The following FILIP1L variants were observed in gnomAD, a reference collection of about 807,000 sequenced individuals.
FILIP1L encodes the protein filamin A-interacting protein 1-like.
A neutral mutation model predicts 96.6 loss-of-function variants in FILIP1L; 55 were observed. The ratio of observed to expected loss-of-function variants is 0.57; its 90% CI spans 0.46 to 0.71. The LOEUF is 0.71. FILIP1L is among the 30% of genes least tolerant of loss of function. The pLI is 0.00. For missense variants in FILIP1L, 1,304 were observed against 1,321.2 expected (o/e 0.99, Z 0.20); for synonymous variants, 467 against 473.9 (o/e 0.99, Z 0.19).
chr3:99,988,522 A>C, intron 1 of FILIP1L, among the ~76,000 whole-genome samples: 1 of 141,398 alleles, frequency 7.1e-6, no homozygotes, highest in Non-Finnish European at 1.5e-5. Context: ...AAAAAAAAAA[A>C]AAAAAAAAGA....
At chr3:100,071,847 T>A (rs1216414777) in intron 1 of FILIP1L, among the ~76,000 whole-genome samples, 1 of 152,150 alleles carries the variant, frequency 6.6e-6, no homozygotes, top group Non-Finnish European at 1.5e-5. Context: ...GGCACCCAAC[T>A]TCATTATTTC....
intron 4 of FILIP1L, among the ~76,000 whole-genome samples, chr3:99,876,740 G>A (rs190300592): frequency 1.4e-4 from 21 of 152,112 alleles, no homozygotes; most frequent in African/African-American, 4.8e-4. Flanking sequence ...AATTCTTCAA[G>A]TGATGATGGA....
At chr3:100,013,564 TA>T (rs1406526407) in intron 1 of FILIP1L, among the ~76,000 whole-genome samples, 1 of 152,128 alleles carries the variant, frequency 6.6e-6, no homozygotes, top group African/African-American at 2.4e-5. Flanking sequence ...TTTTATTAGA[TA>T]AAAAGTATGT....
intron 1 of FILIP1L, among the ~76,000 whole-genome samples, chr3:99,941,994 T>G (rs1707863193): frequency 6.6e-6 from 1 of 152,044 alleles, no homozygotes; most frequent in South Asian, 2.1e-4. Flanking sequence ...TATTAAGAAT[T>G]TACTGTTTTC....
At chr3:99,980,355 T>C (rs1709086359) in intron 1 of FILIP1L, among the ~76,000 whole-genome samples, 1 of 152,190 alleles carries the variant, frequency 6.6e-6, no homozygotes, top group Non-Finnish European at 1.5e-5. Flanking sequence ...TTGGATGTTT[T>C]GAAATTCAGA....
intron 1 of FILIP1L, among the ~76,000 whole-genome samples, chr3:99,989,323 A>G (rs575435160): frequency 6.6e-6 from 1 of 152,296 alleles, no homozygotes; most frequent in East Asian, 1.9e-4. Flanking sequence ...GATTCTAGGT[A>G]CTAAATGTAG....
intron 1 of FILIP1L, among the ~76,000 whole-genome samples, chr3:100,002,768 G>C (rs1367546459): frequency 6.6e-6 from 1 of 152,138 alleles, no homozygotes; most frequent in East Asian, 1.9e-4. Context: ...AGTCCCTTAG[G>C]CCTTAGACCA....
At chr3:100,108,083 G>A (rs893661368) in intron 1 of FILIP1L, among the ~76,000 whole-genome samples, 2 of 152,024 alleles carry the variant, frequency 1.3e-5, no homozygotes, top group Non-Finnish European at 1.5e-5. Context: ...TAGAGCACTG[G>A]TTCTTAACTT....
Position 99,829,711 on chromosome 3 carries a change from T to C in FILIP1L, c.*703A>G, listed in dbSNP as rs1010707124. On this transcript the variant is annotated 3_prime_UTR_variant, in exon 6 of 6. Transcript: ENST00000477258. ...CAATGTCCTGTGAGATGATAAATTC[T>C]GTATTTTTTCAAGCACCTGGAATAT... Among the ~76,000 whole-genome samples, 8 of 152,200 alleles carry C rather than the reference T, an allele frequency of 5.3e-5. No individual in the cohort carries two copies. Among genetic ancestry groups the C allele is most frequent in the African/African-American group, 1.4e-4 (6 of 41,446 alleles).
At chr3:99,976,971 GCAGGAATT>G (rs1708991277) in intron 1 of FILIP1L, among the ~76,000 whole-genome samples, 1 of 152,190 alleles carries the variant, frequency 6.6e-6, no homozygotes, top group African/African-American at 2.4e-5. Flanking sequence ...ACTGCACCTT[GCAGGAATT>G]CTATCCTCTT....
At chr3:100,017,778 A>G (rs1369904251) in intron 1 of FILIP1L, among the ~76,000 whole-genome samples, 2 of 152,180 alleles carry the variant, frequency 1.3e-5, no homozygotes, top group Non-Finnish European at 2.9e-5. Flanking sequence ...TACAAAAAAA[A>G]GAAACACTGG....
chr3:99,916,261 C>T (rs1430838683), intron 4 of FILIP1L, among the ~76,000 whole-genome samples: 2 of 152,068 alleles, frequency 1.3e-5, no homozygotes, highest in Admixed American at 1.3e-4. Flanking sequence ...CTGTCCTTGC[C>T]ACTCCTGATT....
chr3:100,074,272 A>G (rs998904889), intron 1 of FILIP1L, among the ~76,000 whole-genome samples: 2 of 152,146 alleles, frequency 1.3e-5, no homozygotes, highest in Non-Finnish European at 2.9e-5. Flanking sequence ...CTGCTTTCCC[A>G]GGCCAGCTCC....
intron 5 of FILIP1L, among the ~76,000 whole-genome samples, chr3:99,844,453 G>T (rs1051746863): frequency 6.6e-6 from 1 of 152,080 alleles, no homozygotes; most frequent in African/African-American, 2.4e-5. Context: ...AGAAACCAGG[G>T]TATAGGAAAA....
intron 1 of FILIP1L, among the ~76,000 whole-genome samples, chr3:100,068,016 A>G (rs1446634349): frequency 6.6e-6 from 1 of 152,228 alleles, no homozygotes; most frequent in African/African-American, 2.4e-5. Flanking sequence ...CCTCCACAGC[A>G]TAAGCTTTAA....
intron 5 of FILIP1L, among the ~76,000 whole-genome samples, chr3:99,839,928 T>C (rs1418454689): frequency 6.6e-6 from 1 of 152,214 alleles, no homozygotes; most frequent in Admixed American, 6.5e-5. Flanking sequence ...GGAACTCTTA[T>C]AGAGTCACTT....
At chr3:99,916,476 A>ACG (rs1706957585) in intron 4 of FILIP1L, among the ~76,000 whole-genome samples, 1 of 135,964 alleles carries the variant, frequency 7.4e-6, no homozygotes, top group Non-Finnish European at 1.6e-5. Flanking sequence ...ACACACACAC[A>ACG]CACACACACG....
intron 1 of FILIP1L, among the ~76,000 whole-genome samples, chr3:100,074,029 T>C (rs773793155): frequency 6.6e-6 from 1 of 152,208 alleles, no homozygotes; most frequent in African/African-American, 2.4e-5. Context: ...CAAGTCGTCT[T>C]CTACTGTTAA....
intron 1 of FILIP1L, chr3:100,039,653 A>G (rs982821578): frequency 2.0e-5 from 3 of 152,198 alleles, no homozygotes; most frequent in Non-Finnish European, 4.4e-5. Context: ...GTATATCACC[A>G]AGTAATTTTT....
Sources: gnomAD v4.1 joint callset for allele counts (sites outside exome capture counted in the v4.1 genomes callset) on GRCh38, gnomAD v4.1.1 for gene constraint, MANE v1.5 for transcripts, NCBI Gene and HGNC (gene_info 2026-07-23, HGNC 2026-07-21) for gene names.